The following LRATD1 variants were observed in gnomAD, a reference collection of about 807,000 sequenced individuals.
LRATD1 encodes LRAT domain containing 1, also known as protein LRATD1.
Under a neutral mutation model 21.3 loss-of-function variants are expected in LRATD1, and 8 were observed. That is an observed-to-expected ratio of 0.38 (90% CI 0.22 to 0.68). The LOEUF (loss-of-function observed/expected upper bound fraction) is 0.68, where lower values mean the gene tolerates loss of function less well. Among genes scored for constraint, LRATD1 ranks in the 30% least tolerant of loss-of-function variants. The pLI is 0.54. For synonymous variants in LRATD1, 210 were observed against 186.2 expected, an observed-to-expected ratio of 1.13 and a Z score of -1.04; for missense variants, 380 against 404.0, an observed-to-expected ratio of 0.94 and a Z score of 0.51.
At position 14,637,530 on chromosome 2, in the gene LRATD1, A is replaced by G. The variant is rs1403400709; in HGVS notation, c.*2672A>G. ...AATACCTCTAAAAATATGCAATAATAAAACAATAGTTATGAAAGAAACTTG... is the reference window on the plus strand; with the variant it reads ...AATACCTCTAAAAATATGCAATAATGAAACAATAGTTATGAAAGAAACTTG... On this transcript the variant is annotated 3_prime_UTR_variant, in exon 2 of 2. Transcript: ENST00000295092. The G allele has an allele frequency of 6.0e-6, 1 of 167,012 alleles. No individual in the cohort carries two copies. The highest frequency in any genetic ancestry group is 1.5e-5 in the Non-Finnish European group (1 of 68,118). The allele number at this position is 167,012 out of a possible 1,614,324, so 10.3% of individuals were successfully genotyped here.
chr2:14,642,943 A>G (rs1671830549), downstream of LRATD1, among the ~76,000 whole-genome samples: 2 of 152,188 alleles, frequency 1.3e-5, no homozygotes, highest in Non-Finnish European at 2.9e-5. Flanking sequence ...GGTTCTGGAC[A>G]TGGTTAAGGT....
chr2:14,644,820 T>A (rs1671868211), downstream of LRATD1, among the ~76,000 whole-genome samples: 1 of 152,022 alleles, frequency 6.6e-6, no homozygotes. Context: ...CTAGGGGAGC[T>A]ATAAAGAGAA....
In LRATD1 at chr2:14,635,363, A is replaced by G. The variant is rs2103407589; in HGVS notation, c.*505A>G. On this transcript the variant is annotated 3_prime_UTR_variant, in exon 2 of 2. Coordinates refer to ENST00000295092, the MANE Select transcript of LRATD1 (RefSeq NM_145175.4). ...TGCGTCCCCAGATCGCAGGATTTCCAAGAAATCGAGCCTGTCCCTTGTGCA... is the reference window on the plus strand; with the variant it reads ...TGCGTCCCCAGATCGCAGGATTTCCGAGAAATCGAGCCTGTCCCTTGTGCA... 1 of 474,468 alleles carries G rather than the reference A, an allele frequency of 2.1e-6. No homozygotes were observed. The highest frequency in any genetic ancestry group is 2.3e-5 in the Admixed American group (1 of 42,646). The allele number at this position is 474,468 out of a possible 1,614,324, so 29.4% of individuals were successfully genotyped here.
Position 14,638,620 on chromosome 2 carries a change from T to C in LRATD1, c.*3762T>C, listed in dbSNP as rs1331290963. ...TGATTACTTATGTTTTGTGGTGCGCTTTCAACATCCCTAAGAGTTAAATGT... is the reference window on the plus strand; with the variant it reads ...TGATTACTTATGTTTTGTGGTGCGCCTTCAACATCCCTAAGAGTTAAATGT... On this transcript the variant is annotated 3_prime_UTR_variant, in exon 2 of 2. Transcript: ENST00000295092. 6.0e-6 allele frequency: 1 copy of C among 167,056 alleles called. No individual in the cohort carries two copies. Among genetic ancestry groups the C allele is most frequent in the East Asian group, 1.9e-4 (1 of 5,212 alleles). 10.3% of individuals were successfully genotyped at this position (167,056 alleles called of 1,614,324 possible).
intron 4 of LRATD1, among the ~76,000 whole-genome samples, chr2:14,648,793 T>C (rs1486741787): frequency 6.6e-6 from 1 of 152,218 alleles, no homozygotes; most frequent in Non-Finnish European, 1.5e-5. Context: ...TAGCTTCTCC[T>C]GGTGTTCATA....
chr2:14,646,956 A>G (rs1175266503), intron 4 of LRATD1, among the ~76,000 whole-genome samples: 5 of 152,232 alleles, frequency 3.3e-5, no homozygotes, highest in Non-Finnish European at 7.3e-5. Context: ...CCCACTCAGT[A>G]AATAGTCTCA....
chr2:14,642,179 T>C (rs956121763), downstream of LRATD1: 2 of 152,634 alleles, frequency 1.3e-5, no homozygotes, highest in African/African-American at 4.8e-5. Flanking sequence ...TCCTTAAGAA[T>C]CATACAGTAG....
chr2:14,649,942 G>A (rs1235418501), downstream of LRATD1: 2 of 152,592 alleles, frequency 1.3e-5, no homozygotes, highest in African/African-American at 4.8e-5. Flanking sequence ...AACACCATGT[G>A]AGGACACAGT....
chr2:14,633,635 A>G lies in LRATD1; in HGVS notation c.-36-309A>G, dbSNP rs542376149. 8 of 293,874 alleles carry G rather than the reference A, an allele frequency of 2.7e-5. No individual in the cohort carries two copies. The highest frequency in any genetic ancestry group is 4.5e-5 in the Admixed American group (1 of 21,992). The allele number at this position is 293,874 out of a possible 1,614,324, so 18.2% of individuals were successfully genotyped here. A position where few individuals can be genotyped will look rare whatever the true frequency, so the allele number is the denominator to read the frequency against. On this transcript the variant is annotated intron_variant, in intron 1 of 1. Coordinates refer to ENST00000295092, the MANE Select transcript of LRATD1 (RefSeq NM_145175.4). This position sits in a 1 kb window ranked among gnomAD's most constrained non-coding sequence, Gnocchi z 7.5. ...GTCCGTCTCCCACACTGCCACAGCC[A>G]GCACTCTCCTCCCCACCGGGACCCC...
exon 3 of LRATD1, chr2:14,646,140 G>T (rs1041687407): frequency 6.6e-6 from 1 of 152,000 alleles, no homozygotes; most frequent in East Asian, 1.9e-4. Flanking sequence ...GAATGCCTGG[G>T]GTATTTATAT....
Position 14,635,964 on chromosome 2 carries a change from A to G in LRATD1, c.*1106A>G. On this transcript the variant is annotated 3_prime_UTR_variant, in exon 2 of 2. Transcript: ENST00000295092. Reference sequence around the variant, plus strand: ...GAGCAGTTTTCCAACTATGTCAACAAAGCCTATCGTGTTGATGTTTTTATT... The same window carrying G: ...GAGCAGTTTTCCAACTATGTCAACAGAGCCTATCGTGTTGATGTTTTTATT... 1 of 276,486 alleles carries G rather than the reference A, an allele frequency of 3.6e-6. No individual in the cohort carries two copies. The allele number at this position is 276,486 out of a possible 1,614,324, so 17.1% of individuals were successfully genotyped here.
In LRATD1 at chr2:14,634,286, C is replaced by A; in HGVS notation, c.307C>A (p.Pro103Thr). 6.2e-7 allele frequency: 1 copy of A among 1,603,496 alleles called. No individual in the cohort carries two copies. Among genetic ancestry groups the A allele is most frequent in the Non-Finnish European group, 8.5e-7 (1 of 1,178,872 alleles). ...ECIFSKVSGG[P>T]QGADLSVYAV... ...CATCTTTTCCAAAGTGAGCGGTGGC[C>A]CTCAGGGCGCCGACCTAAGCGTCTA... Residue 103 changes from proline (P) to threonine (T), a missense_variant, in exon 2 of 2, where the codon CCT becomes ACT. Coordinates refer to ENST00000295092, the MANE Select transcript of LRATD1 (RefSeq NM_145175.4).
chr2:14,634,290 A>C lies in LRATD1; in HGVS notation c.311A>C (p.Gln104Pro). 1 of 1,603,136 alleles carries C rather than the reference A, an allele frequency of 6.2e-7. No individual in the cohort carries two copies. The highest frequency in any genetic ancestry group is 8.5e-7 in the Non-Finnish European group (1 of 1,178,764). The stretch of plus-strand genomic sequence containing the variant: ...TTTTCCAAAGTGAGCGGTGGCCCTC[A>C]GGGCGCCGACCTAAGCGTCTACGCG... ...CIFSKVSGGP[Q>P]GADLSVYAVT... The change falls in exon 2 of 2, where the codon CAG becomes CCG. Residue 104 changes from glutamine to proline, a missense_variant. Gln to Pro is a moderately conservative substitution (Grantham distance 76). Coordinates refer to ENST00000295092, the MANE Select transcript of LRATD1 (RefSeq NM_145175.4).
In LRATD1 at chr2:14,634,680, C is replaced by T. The variant is rs1016426961; in HGVS notation, c.701C>T (p.Ala234Val). The T allele has an allele frequency of 3.2e-6, 5 of 1,548,658 alleles. No individual in the cohort carries two copies. The highest frequency in any genetic ancestry group is 2.0e-5 in the Admixed American group (1 of 51,090). ...TTCAAGGCGGGAGGGGAGGTGCCGG[C>T]AGGCACGCAGCCCCCGCAGCAGCAG... is the stretch of plus-strand genomic sequence containing the variant. The part of the protein sequence containing the change: ...REFKAGGEVP[A>V]GTQPPQQQYY... Residue 234 changes from alanine to valine, a missense_variant, in exon 2 of 2, where the codon GCA becomes GTA. By Grantham distance (64) the Ala-to-Val change is moderately conservative (BLOSUM62 0). Transcript: ENST00000295092.
downstream of LRATD1, among the ~76,000 whole-genome samples, chr2:14,643,902 G>A (rs1261700544): frequency 1.3e-5 from 2 of 152,126 alleles, no homozygotes; most frequent in Non-Finnish European, 2.9e-5. Context: ...AGGTGTCTTG[G>A]CACTTTGATC....
chr2:14,648,812 G>C (rs149349381), intron 4 of LRATD1, among the ~76,000 whole-genome samples: 2 of 152,130 alleles, frequency 1.3e-5, no homozygotes, highest in African/African-American at 4.8e-5. Context: ...TACTCAGGAC[G>C]TCCATCTGCC....
At position 14,634,868 on chromosome 2, in the gene LRATD1, G is replaced by A. The variant is rs1361336004; in HGVS notation, c.*10G>A. The A allele has an allele frequency of 1.2e-6, 2 of 1,604,408 alleles. No homozygotes were observed. The highest frequency in any genetic ancestry group is 1.3e-5 in the African/African-American group (1 of 74,776). Reference sequence around the variant, plus strand: ...GGACGACAAGGAGTAGCCGCCTAGGGGCTGCCGGCCCCTCTGCCTCCCCCG... The same window carrying A: ...GGACGACAAGGAGTAGCCGCCTAGGAGCTGCCGGCCCCTCTGCCTCCCCCG... On this transcript the variant is annotated 3_prime_UTR_variant, in exon 2 of 2. Coordinates refer to ENST00000295092, the MANE Select transcript of LRATD1 (RefSeq NM_145175.4).
At chr2:14,647,805 T>G (rs1262158516) in intron 4 of LRATD1, among the ~76,000 whole-genome samples, 1 of 152,146 alleles carries the variant, frequency 6.6e-6, no homozygotes, top group African/African-American at 2.4e-5. Context: ...AAATGGACTA[T>G]GACACTATTC....
Position 14,640,026 on chromosome 2 carries a change from G to T in LRATD1, c.*5168G>T, listed in dbSNP as rs752120929. 1 of 167,078 alleles carries T rather than the reference G, an allele frequency of 6.0e-6. No homozygotes were observed. Among genetic ancestry groups the T allele is most frequent in the Non-Finnish European group, 1.5e-5 (1 of 68,096 alleles). 10.3% of individuals were successfully genotyped at this position (167,078 alleles called of 1,614,324 possible). A position where few individuals can be genotyped will look rare whatever the true frequency, so the allele number is the denominator to read the frequency against. ...GCTTTTAGCAGAGAAAACAATAAAA[G>T]AATCCAGGAAAAGTAGAAAATGTTC... On this transcript the variant is annotated 3_prime_UTR_variant, in exon 2 of 2. Coordinates refer to ENST00000295092, the MANE Select transcript of LRATD1 (RefSeq NM_145175.4).
Sources: gnomAD v4.1 joint callset for allele counts (sites outside exome capture counted in the v4.1 genomes callset) on GRCh38, gnomAD v4.1.1 for gene constraint, Gnocchi (gnomAD v3.1) non-coding constraint, MANE v1.5 for transcripts, NCBI Gene and HGNC (gene_info 2026-07-23, HGNC 2026-07-21) for gene names.